Variants in RNF213 observed in about 807,000 individuals in gnomAD.
RNF213 encodes the protein ring finger protein 213.
A neutral mutation model predicts 514.4 loss-of-function variants in RNF213; 341 were observed. That is an observed-to-expected ratio of 0.66 (90% confidence interval 0.61 to 0.73). RNF213 has a LOEUF of 0.73. Among genes scored for constraint, RNF213 ranks in the 30% least tolerant of loss-of-function variants. The pLI, the probability that RNF213 is intolerant of heterozygous loss-of-function variation, is 0.00. For missense variants in RNF213, 5,767 were observed against 6,615.6 expected (o/e 0.87, Z 4.45); for synonymous variants, 2,655 against 2,658.2 (o/e 1.00, Z 0.04).
intron 3 of RNF213, among the ~76,000 whole-genome samples, chr17:80,277,042 C>G (rs955467858): frequency 6.7e-6 from 1 of 150,174 alleles, no homozygotes; most frequent in Non-Finnish European, 1.5e-5. Flanking sequence ...GGCAACAGAG[C>G]GAGACTCACT....
At position 80,347,788 on chromosome 17, in the gene RNF213, T is replaced by A. The variant is rs561939481; in HGVS notation, c.9453T>A (p.Ile3151=). The change falls in exon 29 of 68, where the codon ATT becomes ATA. Residue 3151 remains isoleucine, a synonymous_variant. Transcript: ENST00000582970. The surrounding 1 kb of genome is among the most constrained non-coding windows in gnomAD (Gnocchi z 7.2). The part of the protein sequence containing the change: ...RVHPNFRLIV[I]EEKDVVYKHF... ...ACCCCAACTTCCGCCTGATTGTCAT[T>A]GAAGAGAAAGACGTCGTGTACAAAC... The A allele has an allele frequency of 1.2e-6, 2 of 1,614,062 alleles. No individual in the cohort carries two copies. Among genetic ancestry groups the A allele is most frequent in the South Asian group, 1.1e-5 (1 of 91,094 alleles).
chr17:80,348,272 G>A lies in RNF213; in HGVS notation c.9937G>A (p.Ala3313Thr), dbSNP rs1007201189. 8.1e-6 allele frequency: 13 copies of A among 1,612,778 alleles called. No homozygotes were observed. Among genetic ancestry groups the A allele is most frequent in the African/African-American group, 5.3e-5 (4 of 74,938 alleles). Residue 3313 changes from alanine to threonine, a missense_variant, in exon 29 of 68, where the codon GCC (alanine) becomes ACC (threonine). Physicochemically the swap from Ala to Thr is moderately conservative, Grantham distance 58. Around this residue, in one of 13 missense-constraint regions of RNF213, gnomAD observed 919 missense variants for 1,121.0 expected, o/e 0.82. Transcript: ENST00000582970. Reference sequence around the variant, plus strand: ...GCACACGGCAGACCTGGAGCGCCACGCCATCTTCACAGAGGTGATTGTCTT... The same window carrying A: ...GCACACGGCAGACCTGGAGCGCCACACCATCTTCACAGAGGTGATTGTCTT... ...HLHTADLERHAIFTEITTFSR... is the reference protein window; with the variant it reads ...HLHTADLERHTIFTEITTFSR...
chr17:80,296,586 C>T (rs1403973807), intron 10 of RNF213, among the ~76,000 whole-genome samples: 1 of 152,236 alleles, frequency 6.6e-6, no homozygotes, highest in South Asian at 2.1e-4. Flanking sequence ...GCTCTGCACT[C>T]TCTCTGCGTG....
At chr17:80,291,860 C>G in intron 8 of RNF213, 33 bp downstream of exon 8, 1 of 1,609,912 alleles carries the variant, frequency 6.2e-7, no homozygotes, top group Non-Finnish European at 8.5e-7. Context: ...CTGCTCACCC[C>G]TCCGGAGTGC....
At position 80,263,821 on chromosome 17, in the gene RNF213, C is replaced by T. The variant is rs749651607; in HGVS notation, c.97+43C>T. 3 of 1,547,076 alleles carry T rather than the reference C, an allele frequency of 1.9e-6. No homozygotes were observed. The highest frequency in any genetic ancestry group is 2.7e-5 in the African/African-American group (2 of 73,606). Reference sequence around the variant, plus strand: ...TGGTGGAGGCTGGGGCAGTGGGGACCCCTGGAGATGTCTCACCTCCCTTCC... The same window carrying T: ...TGGTGGAGGCTGGGGCAGTGGGGACTCCTGGAGATGTCTCACCTCCCTTCC... On this transcript the variant is annotated intron_variant, in intron 2 of 67. Coordinates refer to ENST00000582970, the MANE Select transcript of RNF213 (RefSeq NM_001256071.3). This position sits in a 1 kb window ranked among gnomAD's most constrained non-coding sequence, Gnocchi z 4.9.
rs200282413 is a variant in RNF213, at chr17:80,374,541, C to T, written c.13026C>T (p.Ala4342=). 1 of 1,614,180 alleles carries T rather than the reference C, an allele frequency of 6.2e-7. No homozygotes were observed. Among genetic ancestry groups the T allele is most frequent in the Middle Eastern group, 1.6e-4 (1 of 6,062 alleles). Residue 4342 remains alanine, a synonymous_variant, in exon 50 of 68, where the codon GCC becomes GCT. Transcript: ENST00000582970. ...ACAAGGCTCTCCGTGATGCTGTGGCCAAAGCTGTCCTCGAGTGCAAGCCAC... is the reference window on the plus strand; with the variant it reads ...ACAAGGCTCTCCGTGATGCTGTGGCTAAAGCTGTCCTCGAGTGCAAGCCAC... ...DEYKALRDAV[A]KAVLECKPLG...
chr17:80,389,417 C>T, intron 65 of RNF213, 50 bp downstream of exon 65: 1 of 1,548,408 alleles, frequency 6.5e-7, no homozygotes, highest in Non-Finnish European at 8.9e-7. Flanking sequence ...ACCCTGGTCT[C>T]CTGCTTCCCG....
rs766053171 is a variant in RNF213, at chr17:80,345,204, C to T, written c.6869C>T (p.Ala2290Val). 25 of 1,613,950 alleles carry T rather than the reference C, an allele frequency of 1.5e-5. No homozygotes were observed. Among genetic ancestry groups the T allele is most frequent in the African/African-American group, 1.5e-4 (11 of 74,898 alleles). ...GATGGGGTTAGGGAAGAAGATCTAG[C>T]GCCCTTCTCCCTCCGGAAGAGGTGG... ...TMDGVREEDLAPFSLRKRWES... is the reference protein window; with the variant it reads ...TMDGVREEDLVPFSLRKRWES... The change falls in exon 29 of 68, where the codon GCG becomes GTG. Residue 2290 changes from alanine (A) to valine (V), a missense_variant. Transcript: ENST00000582970. The surrounding 1 kb of genome is among the most constrained non-coding windows in gnomAD (Gnocchi z 6.0).
At chr17:80,381,173 C>G in intron 56 of RNF213, 186 bp downstream of exon 56, 1 of 687,252 alleles carries the variant, frequency 1.5e-6, no homozygotes, top group Non-Finnish European at 2.6e-6. Context: ...ATGGGGGGAA[C>G]TACTCCCCAG....
Position 80,393,809 on chromosome 17 carries a change from AGCT to A in RNF213, c.*312_*314del. 2.7e-6 allele frequency: 1 copy of A among 369,008 alleles called. No homozygotes were observed. Among genetic ancestry groups the A allele is most frequent in the South Asian group, 2.3e-5 (1 of 43,398 alleles). 22.9% of individuals were successfully genotyped at this position (369,008 alleles called of 1,614,324 possible). A position where few individuals can be genotyped will look rare whatever the true frequency, so the allele number is the denominator to read the frequency against. On this transcript the variant is annotated 3_prime_UTR_variant, in exon 68 of 68. Coordinates refer to ENST00000582970, the MANE Select transcript of RNF213 (RefSeq NM_001256071.3). ...ATTGTTTACATTCCAGGAGACTTGTAGCTCAGCCACACACGCAGTAATGACCTG... is the reference window on the plus strand; with the variant it reads ...ATTGTTTACATTCCAGGAGACTTGTACAGCCACACACGCAGTAATGACCTG...
chr17:80,383,931 A>C lies in RNF213; in HGVS notation c.14322+3A>C. 6.2e-7 allele frequency: 1 copy of C among 1,614,170 alleles called. No individual in the cohort carries two copies. The highest frequency in any genetic ancestry group is 2.2e-5 in the East Asian group (1 of 44,880). On this transcript the variant is annotated splice_donor_region_variant and intron_variant, in intron 59 of 67. Coordinates refer to ENST00000582970, the MANE Select transcript of RNF213 (RefSeq NM_001256071.3). Reference sequence around the variant, plus strand: ...TCCTCTGGCATTTCCTGCAGAAGGTATGTCTGGCTTACTGTGGCTCCCTCC... The same window carrying C: ...TCCTCTGGCATTTCCTGCAGAAGGTCTGTCTGGCTTACTGTGGCTCCCTCC...
intron 20 of RNF213, among the ~76,000 whole-genome samples, chr17:80,329,773 G>A (rs1360022046): frequency 1.3e-5 from 2 of 152,214 alleles, no homozygotes; most frequent in Non-Finnish European, 2.9e-5. Flanking sequence ...CGAGGCTGCA[G>A]TGAGCCGAAA....
intron 14 of RNF213, among the ~76,000 whole-genome samples, chr17:80,311,514 A>G (rs1337090995): frequency 2.0e-5 from 3 of 151,706 alleles, no homozygotes; most frequent in Admixed American, 2.0e-4. Context: ...TGCTCTAGTC[A>G]CTCCTGTGCC....
At chr17:80,349,650 T>C (rs946532034) in intron 29 of RNF213, 120 bp from the exon 30 acceptor site, 37 of 1,131,254 alleles carry the variant, frequency 3.3e-5, no homozygotes, top group South Asian at 2.8e-4. Context: ...TTCTGTGCCG[T>C]TGTGTGGCAA....
chr17:80,276,092 G>A (rs201966433), intron 3 of RNF213, among the ~76,000 whole-genome samples: 4,360 of 142,234 alleles, frequency 0.031, 192 homozygotes, highest in African/African-American at 0.1. Flanking sequence ...TTTATTTTTT[G>A]TTTTATTTAT....
chr17:80,372,726 G>A lies in RNF213; in HGVS notation c.12743G>A (p.Gly4248Glu). Residue 4248 changes from glycine to glutamate, a missense_variant, in exon 48 of 68, where the codon GGA becomes GAA. This residue lies in a region of RNF213 where 1,245 missense variants were observed against 1,339.0 expected (regional missense o/e 0.93). Transcript: ENST00000582970. ...RAADFLSEPE[G>E]GPEMAKEKQC... ...GCAGATTTCCTCTCGGAGCCTGAGG[G>A]AGGCCCAGGCAAGTCTTCTCTGCCT... The A allele has an allele frequency of 6.2e-7, 1 of 1,613,318 alleles. No homozygotes were observed. Among genetic ancestry groups the A allele is most frequent in the East Asian group, 2.2e-5 (1 of 44,874 alleles).
At chr17:80,390,278 G>T in intron 67 of RNF213, 82 bp downstream of exon 67, 1 of 1,457,180 alleles carries the variant, frequency 6.9e-7, no homozygotes, top group Non-Finnish European at 9.6e-7. Context: ...CACAAAAATA[G>T]TTCTTTTCTT....
intron 3 of RNF213, among the ~76,000 whole-genome samples, chr17:80,285,635 C>T (rs2044443865): frequency 6.6e-6 from 1 of 152,136 alleles, no homozygotes. Context: ...TGCTGGGCCC[C>T]AGCCCCAGAC....
In RNF213 at chr17:80,346,456, C is replaced by A. The variant is rs562114737; in HGVS notation, c.8121C>A (p.Ile2707=). The change falls in exon 29 of 68, where the codon ATC becomes ATA. Residue 2707 remains isoleucine, a synonymous_variant. Coordinates refer to ENST00000582970, the MANE Select transcript of RNF213 (RefSeq NM_001256071.3). The surrounding 1 kb of genome is among the most constrained non-coding windows in gnomAD (Gnocchi z 8.1). ...AGAAAGACTCATATCGGAAAGCCAT[C>A]GCCAGGTTCTTTCCGAAACCGTATG... ...LEKKDSYRKA[I]ARFFPKPYDD... 1.9e-6 allele frequency: 3 copies of A among 1,613,786 alleles called. No individual in the cohort carries two copies. The highest frequency in any genetic ancestry group is 4.5e-5 in the East Asian group (2 of 44,872).
Sources: gnomAD v4.1 joint callset for allele counts (sites outside exome capture counted in the v4.1 genomes callset) on GRCh38, gnomAD v4.1.1 for gene constraint, gnomAD v4.1.1 regional missense constraint, Gnocchi (gnomAD v3.1) non-coding constraint, MANE v1.5 for transcripts, NCBI Gene and HGNC (gene_info 2026-07-23, HGNC 2026-07-21) for gene names.